The following LIMA1 variants were observed in gnomAD, a reference collection of about 807,000 sequenced individuals.
LIMA1 encodes LIM domain and actin binding 1.
In LIMA1, 52 loss-of-function variants were observed where a neutral mutation model predicts 62.6. The ratio of observed to expected loss-of-function variants is 0.83; its 90% CI spans 0.67 to 1.05. The LOEUF is 1.05. Ranked by LOEUF, LIMA1 falls within the 50% of genes least tolerant of loss-of-function variation. LIMA1 has a pLI of 0.00. For synonymous variants in LIMA1, 302 were observed against 317.8 expected (o/e 0.95, Z 0.53); for missense variants, 780 against 902.2 (o/e 0.86, Z 1.74).
rs1940335630 is a variant in LIMA1, at chr12:50,176,408, A to T, written c.*656T>A. 1 of 152,196 alleles carries T rather than the reference A, an allele frequency of 6.6e-6. No individual in the cohort carries two copies. The highest frequency in any genetic ancestry group is 2.4e-5 in the African/African-American group (1 of 41,446). 9.4% of individuals were successfully genotyped at this position (152,196 alleles called of 1,614,324 possible). A position where few individuals can be genotyped will look rare whatever the true frequency, so the allele number is the denominator to read the frequency against. Reference sequence around the variant, plus strand: ...CAGCAGATCTCTCTAAGCACCGAAGAGTGTAGGTTGGTTTTTCAATTGCCT... The same window carrying T: ...CAGCAGATCTCTCTAAGCACCGAAGTGTGTAGGTTGGTTTTTCAATTGCCT... On this transcript the variant is annotated 3_prime_UTR_variant, in exon 11 of 11. Transcript: ENST00000341247.
At chr12:50,197,012 T>C (rs927656639) in intron 7 of LIMA1, among the ~76,000 whole-genome samples, 9 of 151,874 alleles carry the variant, frequency 5.9e-5, no homozygotes, top group Non-Finnish European at 1.2e-4. Flanking sequence ...GGTACCTCCA[T>C]CCCAGGATGT....
intron 9 of LIMA1, chr12:50,185,936 TGCA>T (rs1940620990): frequency 1.3e-5 from 2 of 154,554 alleles, no homozygotes; most frequent in Admixed American, 1.3e-4. Flanking sequence ...TTAAGGTTTA[TGCA>T]GCAGCAGCTG....
intron 3 of LIMA1, among the ~76,000 whole-genome samples, chr12:50,228,329 G>GT (rs1036550222): frequency 6.6e-6 from 1 of 152,124 alleles, no homozygotes; most frequent in Non-Finnish European, 1.5e-5. Flanking sequence ...TTAACCCACT[G>GT]TCTTGAACCT....
chr12:50,224,663 T>C (rs545127363), intron 3 of LIMA1, among the ~76,000 whole-genome samples: 7 of 152,322 alleles, frequency 4.6e-5, no homozygotes, highest in African/African-American at 1.7e-4. Context: ...AGTATACTTA[T>C]TGACATGAAA....
intron 4 of LIMA1, among the ~76,000 whole-genome samples, chr12:50,218,895 TA>T (rs1409254811): frequency 1.9e-3 from 140 of 73,998 alleles, no homozygotes; most frequent in Admixed American, 5.2e-3. Flanking sequence ...CCTATCTCCA[TA>T]AAAAAAAAAA....
intron 2 of LIMA1, among the ~76,000 whole-genome samples, chr12:50,233,585 CACAATCTCGGCTCACT>C (rs1320567688): frequency 2.6e-5 from 4 of 152,216 alleles, no homozygotes; most frequent in African/African-American, 9.6e-5. Flanking sequence ...AGTGCAATGG[CACAATCTCGGCTCACT>C]GCAATCTCCG....
intron 2 of LIMA1, among the ~76,000 whole-genome samples, chr12:50,234,468 C>T (rs1941659347): frequency 6.6e-6 from 1 of 152,092 alleles, no homozygotes; most frequent in Non-Finnish European, 1.5e-5. Flanking sequence ...TTTGGTCTCT[C>T]AAACTGCTGA....
intron 2 of LIMA1, among the ~76,000 whole-genome samples, chr12:50,241,373 A>G (rs1278008360): frequency 1.3e-5 from 2 of 152,188 alleles, no homozygotes; most frequent in East Asian, 1.9e-4. Context: ...ATTGGCAGAC[A>G]GGTTTATATT....
intron 10 of LIMA1, among the ~76,000 whole-genome samples, chr12:50,180,335 C>T (rs887268183): frequency 8.6e-5 from 13 of 150,714 alleles, no homozygotes; most frequent in African/African-American, 2.4e-4. Context: ...ATTAGCTGGG[C>T]GTGGTGGTGC....
At chr12:50,247,256 T>G (rs1941863187) in intron 2 of LIMA1, among the ~76,000 whole-genome samples, 1 of 152,164 alleles carries the variant, frequency 6.6e-6, no homozygotes, top group African/African-American at 2.4e-5. Context: ...AGTGACTCAC[T>G]TCTAATGAAG....
At chr12:50,283,327 TC>T in intron 1 of LIMA1, 92 bp downstream of exon 1, 1 of 150,224 alleles carries the variant, frequency 6.7e-6, no homozygotes, top group Non-Finnish European at 1.5e-5. Context: ...CTCCTTGCAC[TC>T]CCCCCGCCCC....
rs559404661 is a variant in LIMA1, at chr12:50,185,320, T to C, written c.1141-3283A>G. 1.3e-5 allele frequency: 6 copies of C among 454,612 alleles called. No homozygotes were observed. The East Asian group carries it at 3.5e-4, about 26-fold the overall frequency. 28.2% of individuals were successfully genotyped at this position (454,612 alleles called of 1,614,324 possible). ...ACACACGGAGGGGAGGCACACACTG[T>C]GGGAGGGGGAAGCAGCCCAGGGAAC... On this transcript the variant is annotated intron_variant, in intron 9 of 10. Coordinates refer to ENST00000341247, the MANE Select transcript of LIMA1 (RefSeq NM_016357.5).
intron 4 of LIMA1, among the ~76,000 whole-genome samples, chr12:50,209,583 A>AG (rs1196307141): frequency 1.1e-4 from 14 of 125,788 alleles, no homozygotes; most frequent in Middle Eastern, 4.1e-3. Flanking sequence ...AAAAAAAAAA[A>AG]AAAAGAAAAA....
intron 3 of LIMA1, among the ~76,000 whole-genome samples, chr12:50,226,432 C>T (rs1941528599): frequency 1.3e-5 from 2 of 152,290 alleles, no homozygotes; most frequent in South Asian, 4.1e-4. Flanking sequence ...TAGCATCTGA[C>T]ATTACTGACC....
chr12:50,185,468 A>G, intron 9 of LIMA1: 2 of 456,082 alleles, frequency 4.4e-6, no homozygotes, highest in South Asian at 1.5e-5. Flanking sequence ...ACAAACAGGA[A>G]CCTTCAATGA....
At position 50,251,387 on chromosome 12, in the gene LIMA1, G is replaced by A. The variant is rs568350045; in HGVS notation, c.-23-2613C>T. Among the ~76,000 whole-genome samples, 9 of 152,200 alleles carry A rather than the reference G, an allele frequency of 5.9e-5. No homozygotes were observed. In the East Asian group the frequency reaches 9.7e-4, roughly 16 times the overall value. ...TGCAATCCCAGCACTTTGGGAGGCC[G>A]AGGCAGGCAGATCACTTGAGGTCAG... On this transcript the variant is annotated intron_variant, in intron 1 of 10. Transcript: ENST00000341247.
At chr12:50,242,563 G>T (rs1279024027) in intron 2 of LIMA1, among the ~76,000 whole-genome samples, 3 of 152,130 alleles carry the variant, frequency 2.0e-5, no homozygotes, top group Non-Finnish European at 4.4e-5. Flanking sequence ...CTGGCAGGGG[G>T]TTAGGTTAGG....
At chr12:50,282,972 T>C (rs977393445) in intron 1 of LIMA1, among the ~76,000 whole-genome samples, 1 of 152,154 alleles carries the variant, frequency 6.6e-6, no homozygotes, top group Non-Finnish European at 1.5e-5. Flanking sequence ...GGTGTAAGTG[T>C]CTTAAACAGA....
At chr12:50,180,237 T>C (rs1365216114) in intron 10 of LIMA1, among the ~76,000 whole-genome samples, 2 of 150,856 alleles carry the variant, frequency 1.3e-5, no homozygotes, top group East Asian at 3.9e-4. Context: ...GAGGTGGAGG[T>C]TGCAGTGAGC....
Sources: gnomAD v4.1 joint callset for allele counts (sites outside exome capture counted in the v4.1 genomes callset) on GRCh38, gnomAD v4.1.1 for gene constraint, MANE v1.5 for transcripts, NCBI Gene and HGNC (gene_info 2026-07-23, HGNC 2026-07-21) for gene names.